Variants in LAMC3 observed in about 807,000 individuals in gnomAD.
LAMC3 encodes the protein laminin subunit gamma 3.
Under a neutral mutation model 173.8 loss-of-function variants are expected in LAMC3, and 128 were observed. That is an observed-to-expected ratio of 0.74 (90% CI 0.64 to 0.85). The LOEUF is 0.85. Ranked by LOEUF, LAMC3 falls within the 40% of genes least tolerant of loss-of-function variation. The probability of loss-of-function intolerance (pLI) is 0.00; values close to 1 mark genes in which losing one functional copy is unlikely to be tolerated. For synonymous variants in LAMC3, 897 were observed against 909.1 expected (o/e 0.99, Z 0.24); for missense variants, 2,022 against 2,156.0 (o/e 0.94, Z 1.23).
intron 25 of LAMC3, among the ~76,000 whole-genome samples, chr9:131,086,276 C>T (rs890575950): frequency 1.3e-5 from 2 of 151,952 alleles, no homozygotes; most frequent in African/African-American, 4.8e-5. Flanking sequence ...CGGGGTTTCA[C>T]CATGTTGGCC....
In LAMC3 at chr9:131,049,137, C is replaced by T; in HGVS notation, c.1630+7C>T. On this transcript the variant is annotated splice_region_variant and intron_variant, in intron 9 of 27. Coordinates refer to ENST00000361069, the MANE Select transcript of LAMC3 (RefSeq NM_006059.4). The stretch of plus-strand genomic sequence containing the variant: ...GAGGAGCTCACAGCACCAGGTACCT[C>T]CAGCACCAGGTGGGGGCTGGCCGCC... 1 of 1,519,430 alleles carries T rather than the reference C, an allele frequency of 6.6e-7. No individual in the cohort carries two copies. Among genetic ancestry groups the T allele is most frequent in the South Asian group, 1.2e-5 (1 of 83,456 alleles). 94.1% of individuals were successfully genotyped at this position (1,519,430 alleles called of 1,614,324 possible). A position where few individuals can be genotyped will look rare whatever the true frequency, so the allele number is the denominator to read the frequency against.
At chr9:131,030,124 G>C (rs1291482757) in intron 2 of LAMC3, among the ~76,000 whole-genome samples, 1 of 152,096 alleles carries the variant, frequency 6.6e-6, no homozygotes, top group Non-Finnish European at 1.5e-5. Context: ...ATTTTTAGTA[G>C]AGATGGGGTT....
intron 20 of LAMC3, among the ~76,000 whole-genome samples, chr9:131,075,222 G>T (rs1830103006): frequency 6.6e-6 from 1 of 151,534 alleles, no homozygotes; most frequent in East Asian, 1.9e-4. Flanking sequence ...GAGCTGTGAT[G>T]GCACCACTGC....
At chr9:131,055,425 T>TC (rs1554787762) in intron 11 of LAMC3, among the ~76,000 whole-genome samples, 2 of 74,920 alleles carry the variant, frequency 2.7e-5, no homozygotes, top group Non-Finnish European at 6.7e-5. Context: ...TTTTCTTTCT[T>TC]TTTTTTTTTT....
intron 13 of LAMC3, among the ~76,000 whole-genome samples, chr9:131,063,569 TGGA>T (rs978800503): frequency 1.5e-4 from 23 of 152,216 alleles, no homozygotes; most frequent in African/African-American, 5.5e-4. Context: ...AGAGCTCACC[TGGA>T]CATCTGAGTC....
intron 2 of LAMC3, among the ~76,000 whole-genome samples, chr9:131,031,674 C>T (rs570781377): frequency 6.6e-5 from 10 of 152,188 alleles, no homozygotes; most frequent in Admixed American, 2.6e-4. Flanking sequence ...TGCTTTGACC[C>T]CTGCCCGCCC....
chr9:131,032,506 CGCTCTCTCTCTCTT>C (rs1564368266), intron 3 of LAMC3, among the ~76,000 whole-genome samples: 2 of 143,792 alleles, frequency 1.4e-5, no homozygotes, highest in Admixed American at 7.0e-5. Flanking sequence ...CTCTCTCACT[CGCTCTCTCTCTCTT>C]GCTCTCTCTC....
chr9:131,032,441 C>CCCTCCCTCCCTCCCTTCCTCCCTT, intron 3 of LAMC3, among the ~76,000 whole-genome samples: 1 of 145,416 alleles, frequency 6.9e-6, no homozygotes, highest in Non-Finnish European at 1.5e-5. Flanking sequence ...CTTCCTTCCT[C>CCCTCCCTCCCTCCCTTCCTCCCTT]CCTCCCTCCC....
chr9:131,077,383 A>G (rs755048395), intron 22 of LAMC3, 49 bp downstream of exon 22: 2 of 1,606,860 alleles, frequency 1.2e-6, no homozygotes, highest in Non-Finnish European at 1.7e-6. Context: ...AGGATCTATT[A>G]TAGAAGCTGG....
At chr9:131,088,527 A>G (rs558780485) in intron 27 of LAMC3, among the ~76,000 whole-genome samples, 1 of 152,336 alleles carries the variant, frequency 6.6e-6, no homozygotes, top group East Asian at 1.9e-4. Flanking sequence ...AGGAGACAGC[A>G]GACAGGGCAG....
intron 12 of LAMC3, 55 bp downstream of exon 12, chr9:131,057,202 G>A (rs1247059204): frequency 2.0e-6 from 3 of 1,474,612 alleles, no homozygotes; most frequent in Non-Finnish European, 2.8e-6. Flanking sequence ...AAAACAGCGG[G>A]ATGAGTACTG....
chr9:131,075,804 A>G, intron 20 of LAMC3, 27 bp from the exon 21 acceptor site: 1 of 1,601,758 alleles, frequency 6.2e-7, no homozygotes, highest in East Asian at 2.2e-5. Context: ...AGCCCTTGGT[A>G]ATGCTCAGGT....
At position 131,082,530 on chromosome 9, in the gene LAMC3, GC is replaced by G. The variant is rs941824002; in HGVS notation, c.4030+370del. Among the ~76,000 whole-genome samples the G allele has an allele frequency of 7.9e-5, 12 of 152,314 alleles. No individual in the cohort carries two copies. The East Asian group carries it at 1.7e-3, about 22-fold the overall frequency. On this transcript the variant is annotated intron_variant, in intron 24 of 27. Coordinates refer to ENST00000361069, the MANE Select transcript of LAMC3 (RefSeq NM_006059.4). ...TGTCCGGGTCCAATGTTGAGTTGGG[GC>G]TATGGGAAGCAGATGGAGTTTCTCT...
intron 27 of LAMC3, among the ~76,000 whole-genome samples, chr9:131,090,141 G>A (rs1022489846): frequency 5.9e-5 from 9 of 152,124 alleles, no homozygotes; most frequent in African/African-American, 1.7e-4. Context: ...ACAGCCAGTC[G>A]GTAGGAAAGC....
At chr9:131,067,785 T>TA (rs1554789223) in intron 14 of LAMC3, among the ~76,000 whole-genome samples, 1 of 151,870 alleles carries the variant, frequency 6.6e-6, no homozygotes, top group Non-Finnish European at 1.5e-5. Flanking sequence ...GGGCTGTGCC[T>TA]GTGACCCTCG....
At chr9:131,036,069 T>C (rs1564369825) in intron 3 of LAMC3, 97 bp from the exon 4 acceptor site, 7 of 1,296,098 alleles carry the variant, frequency 5.4e-6, no homozygotes, top group Non-Finnish European at 7.8e-6. Context: ...GGGTGGAGTC[T>C]GGCTCACACC....
chr9:131,032,733 A>G (rs1405254412), intron 3 of LAMC3, among the ~76,000 whole-genome samples: 2 of 151,834 alleles, frequency 1.3e-5, no homozygotes, highest in Non-Finnish European at 2.9e-5. Flanking sequence ...CAGTGGTGCA[A>G]TCTCAGCTCA....
rs77304377 is a variant in LAMC3, at chr9:131,052,790, C to G, written c.1824-60C>G. 4.2e-3 allele frequency: 5,504 copies of G among 1,297,790 alleles called. 145 individuals carry two copies. The African/African-American group carries it at 0.061, about 14-fold the overall frequency. 80.4% of individuals were successfully genotyped at this position (1,297,790 alleles called of 1,614,324 possible). A position where few individuals can be genotyped will look rare whatever the true frequency, so the allele number is the denominator to read the frequency against. ...TAGTCTGGGGGGCTACCCCCCATCCCCAGGCATGGTACCCCCCCACCCTAT... is the reference window on the plus strand; with the variant it reads ...TAGTCTGGGGGGCTACCCCCCATCCGCAGGCATGGTACCCCCCCACCCTAT... On this transcript the variant is annotated intron_variant, in intron 10 of 27. Coordinates refer to ENST00000361069, the MANE Select transcript of LAMC3 (RefSeq NM_006059.4).
intron 1 of LAMC3, among the ~76,000 whole-genome samples, chr9:131,019,262 A>AAAAC (rs371269481): frequency 8.6e-4 from 131 of 152,210 alleles, no homozygotes; most frequent in Middle Eastern, 3.4e-3. Flanking sequence ...ACTTTGTCTC[A>AAAAC]AAACAAACAA....
Sources: allele counts gnomAD v4.1 joint callset (sites outside exome capture counted in the v4.1 genomes callset), GRCh38; gene constraint gnomAD v4.1.1; transcripts MANE v1.5; gene names NCBI Gene and HGNC (gene_info 2026-07-23, HGNC 2026-07-21).